Variants in CCDC171 observed in about 807,000 individuals in gnomAD.
CCDC171 encodes coiled-coil domain containing 171.
In CCDC171, 177 loss-of-function variants were observed where a neutral mutation model predicts 168.2. The ratio of observed to expected loss-of-function variants is 1.05; its 90% confidence interval spans 0.93 to 1.19. The LOEUF is 1.19. CCDC171 is among the 50% of genes most tolerant of loss of function. The pLI, the probability that CCDC171 is intolerant of heterozygous loss-of-function variation, is 0.00. For synonymous variants in CCDC171, 687 were observed against 540.8 expected (o/e 1.27, Z -3.75); for missense variants, 1,991 against 1,539.0 (o/e 1.29, Z -4.91).
Position 15,745,650 on chromosome 9 carries a change from T to C in CCDC171, c.2671+19T>C, listed in dbSNP as rs2055220124. 2 of 1,423,358 alleles carry C rather than the reference T, an allele frequency of 1.4e-6. No individual in the cohort carries two copies. Among genetic ancestry groups the C allele is most frequent in the Non-Finnish European group, 1.9e-6 (2 of 1,045,502 alleles). The allele number at this position is 1,423,358 out of a possible 1,614,324, so 88.2% of individuals were successfully genotyped here. On this transcript the variant is annotated intron_variant, in intron 18 of 25. Coordinates refer to ENST00000380701, the MANE Select transcript of CCDC171 (RefSeq NM_173550.4). ...AAAGCAGGTATGGTTCCTTCTTTTATGTCCTTGCAAAATACATTTAAGAAC... is the reference window on the plus strand; with the variant it reads ...AAAGCAGGTATGGTTCCTTCTTTTACGTCCTTGCAAAATACATTTAAGAAC...
intron 6 of CCDC171, among the ~76,000 whole-genome samples, chr9:15,615,326 C>T (rs1020623041): frequency 6.6e-6 from 1 of 152,056 alleles, no homozygotes; most frequent in South Asian, 2.1e-4. Context: ...TCCTAAACAT[C>T]TCTACTATTT....
At chr9:15,601,392 C>T (rs1444570747) in intron 6 of CCDC171, among the ~76,000 whole-genome samples, 1 of 152,178 alleles carries the variant, frequency 6.6e-6, no homozygotes, top group African/African-American at 2.4e-5. Flanking sequence ...TCCAAACCTT[C>T]AGTCTTTGTG....
At chr9:15,647,913 C>T (rs1587716908) in intron 7 of CCDC171, among the ~76,000 whole-genome samples, 1 of 152,166 alleles carries the variant, frequency 6.6e-6, no homozygotes, top group Non-Finnish European at 1.5e-5. Context: ...CAGCATCATC[C>T]TGATACCAAA....
intron 25 of CCDC171, among the ~76,000 whole-genome samples, chr9:15,945,711 C>G (rs10810490): frequency 6.7e-6 from 1 of 150,158 alleles, no homozygotes; most frequent in African/African-American, 2.4e-5. Flanking sequence ...TCCTTCACCC[C>G]CTTTTTGATG....
At chr9:15,589,725 A>G (rs949809666) in intron 4 of CCDC171, among the ~76,000 whole-genome samples, 2 of 152,228 alleles carry the variant, frequency 1.3e-5, no homozygotes, top group African/African-American at 4.8e-5. Flanking sequence ...ACAAATTAAA[A>G]ATATGAAGGC....
At chr9:16,073,156 T>A in the CCDC171 span, among the ~76,000 whole-genome samples, 2 of 152,228 alleles carry the variant, frequency 1.3e-5, no homozygotes, top group Admixed American at 6.5e-5. Context: ...GGTCTGGGAC[T>A]GAAGCTGCAA....
At chr9:15,940,440 G>T (rs1341823190) in intron 25 of CCDC171, among the ~76,000 whole-genome samples, 1 of 151,834 alleles carries the variant, frequency 6.6e-6, no homozygotes, top group African/African-American at 2.4e-5. Context: ...CCCACATAAG[G>T]AAGGATATAC....
At chr9:16,103,268 G>A in the CCDC171 span, among the ~76,000 whole-genome samples, 25,860 of 152,208 alleles carry the variant, frequency 0.17, 2,385 homozygotes, top group African/African-American at 0.22. Flanking sequence ...ACAGTCACCA[G>A]CTGTTTGCAG....
At chr9:15,703,145 G>A (rs972232601) in intron 11 of CCDC171, among the ~76,000 whole-genome samples, 5 of 152,134 alleles carry the variant, frequency 3.3e-5, no homozygotes, top group East Asian at 1.9e-4. Context: ...ACCTTAAGCG[G>A]TCTGCCCGCC....
the CCDC171 span, among the ~76,000 whole-genome samples, chr9:16,099,164 A>AT: frequency 5.9e-5 from 9 of 152,178 alleles, no homozygotes; most frequent in Non-Finnish European, 4.4e-5. Flanking sequence ...TAAAACATCA[A>AT]TTTTTTGCTA....
At chr9:15,813,160 TTTTGGCTAATGGA>T (rs1393159129) in intron 21 of CCDC171, among the ~76,000 whole-genome samples, 2 of 152,174 alleles carry the variant, frequency 1.3e-5, no homozygotes, top group African/African-American at 4.8e-5. Flanking sequence ...TGTGATTGAG[TTTTGGCTAATGGA>T]ATGTGAACAA....
intron 3 of CCDC171, among the ~76,000 whole-genome samples, chr9:15,989,897 G>C (rs1001725947): frequency 5.9e-5 from 9 of 152,148 alleles, no homozygotes; most frequent in Admixed American, 2.6e-4. Flanking sequence ...AAAAAGAAAT[G>C]AGCAAAGCCT....
At chr9:15,827,295 G>T (rs891568925) in intron 21 of CCDC171, among the ~76,000 whole-genome samples, 2 of 152,062 alleles carry the variant, frequency 1.3e-5, no homozygotes, top group Non-Finnish European at 2.9e-5. Context: ...GGTGTGGTTG[G>T]TTATTCCAAG....
At chr9:15,771,237 T>C (rs1455309886) in intron 18 of CCDC171, among the ~76,000 whole-genome samples, 1 of 152,176 alleles carries the variant, frequency 6.6e-6, no homozygotes, top group African/African-American at 2.4e-5. Context: ...GCTAAATTCA[T>C]GAGAAATGGG....
upstream of CCDC171, among the ~76,000 whole-genome samples, chr9:16,041,443 G>A (rs551470832): frequency 3.2e-4 from 48 of 152,318 alleles, no homozygotes; most frequent in African/African-American, 1.2e-3. Context: ...GACTGAGGCT[G>A]GGAATGTTCT....
rs1451974552 is a variant in CCDC171 at position 15,596,586 on chromosome 9, C to A, written c.675+2414C>A. Among the ~76,000 whole-genome samples, 20 of 152,090 alleles carry A rather than the reference C, an allele frequency of 1.3e-4. 1 individual carries two copies. The highest frequency in any genetic ancestry group is 4.8e-4 in the African/African-American group (20 of 41,522). The stretch of plus-strand genomic sequence containing the variant: ...TTTGAAGTCAGGTAGCGTGATGCCT[C>A]CAGCTTTGTTCTTTTGGCTTAGGAT... On this transcript the variant is annotated intron_variant, in intron 6 of 25. Coordinates refer to ENST00000380701, the MANE Select transcript of CCDC171 (RefSeq NM_173550.4).
chr9:15,818,761 A>C (rs1188498818), intron 21 of CCDC171, among the ~76,000 whole-genome samples: 1 of 118,016 alleles, frequency 8.5e-6, no homozygotes, highest in Non-Finnish European at 1.9e-5. Flanking sequence ...CAAGTTGGAA[A>C]ACACTCTGCA....
At chr9:15,840,022 T>G (rs2060610629) in intron 21 of CCDC171, among the ~76,000 whole-genome samples, 1 of 152,156 alleles carries the variant, frequency 6.6e-6, no homozygotes, top group South Asian at 2.1e-4. Context: ...TTGATTTACT[T>G]TTATTAAAAG....
At chr9:15,889,468 ACT>A (rs754653241) in intron 24 of CCDC171, among the ~76,000 whole-genome samples, 1 of 151,830 alleles carries the variant, frequency 6.6e-6, no homozygotes, top group Non-Finnish European at 1.5e-5. Context: ...TTTGCTATCT[ACT>A]CTCTCTTGCA....
Sources: allele counts gnomAD v4.1 joint callset (sites outside exome capture counted in the v4.1 genomes callset), GRCh38; gene constraint gnomAD v4.1.1; transcripts MANE v1.5; gene names NCBI Gene and HGNC (gene_info 2026-07-23, HGNC 2026-07-21).